Variants in RPS6KA2 observed in about 807,000 individuals in gnomAD.
RPS6KA2 encodes the protein ribosomal protein S6 kinase alpha-2.
In RPS6KA2, 42 loss-of-function variants were observed where a neutral mutation model predicts 91.8. The observed-to-expected ratio is 0.46, with a 90% CI of 0.36 to 0.59. The LOEUF is 0.59. RPS6KA2 is among the 20% of genes least tolerant of loss of function. The probability of loss-of-function intolerance (pLI) is 0.00; values close to 1 mark genes in which losing one functional copy is unlikely to be tolerated. For synonymous variants in RPS6KA2, 414 were observed against 393.6 expected (o/e 1.05, Z -0.61); for missense variants, 798 against 978.5 (o/e 0.82, Z 2.46).
intron 1 of RPS6KA2, among the ~76,000 whole-genome samples, chr6:166,598,809 C>T (rs896985759): frequency 6.6e-6 from 1 of 152,212 alleles, no homozygotes; most frequent in Non-Finnish European, 1.5e-5. Flanking sequence ...CACACAGCAC[C>T]GCTCTTTCCT....
intron 2 of RPS6KA2, among the ~76,000 whole-genome samples, chr6:166,745,654 C>G (rs1310815248): frequency 6.6e-6 from 1 of 152,186 alleles, no homozygotes; most frequent in Non-Finnish European, 1.5e-5. Context: ...TGGGTTTCCA[C>G]CCAATATTCA....
chr6:166,432,516 T>C (rs1471747963), intron 14 of RPS6KA2, 26 bp from the exon 15 acceptor site: 1 of 1,473,862 alleles, frequency 6.8e-7, no homozygotes, highest in South Asian at 1.1e-5. Flanking sequence ...CACATGGCAG[T>C]GAGGGGTCTA....
chr6:166,793,723 T>C (rs1779153853), intron 2 of RPS6KA2, among the ~76,000 whole-genome samples: 1 of 152,196 alleles, frequency 6.6e-6, no homozygotes, highest in Admixed American at 6.5e-5. Context: ...ATCTGATCTT[T>C]AACAAACCTG....
intron 2 of RPS6KA2, among the ~76,000 whole-genome samples, chr6:166,802,429 A>G (rs1034818057): frequency 2.6e-5 from 4 of 152,236 alleles, no homozygotes; most frequent in African/African-American, 9.6e-5. Flanking sequence ...ATTTAAAAAT[A>G]AGACCAGATC....
intron 2 of RPS6KA2, among the ~76,000 whole-genome samples, chr6:166,779,810 G>C (rs1375932186): frequency 6.6e-6 from 1 of 152,192 alleles, no homozygotes; most frequent in Non-Finnish European, 1.5e-5. Flanking sequence ...GCGGCCAAGA[G>C]AAATAACGGC....
rs117244446 is a variant in RPS6KA2, at chr6:166,489,430, C to T, written c.819-509G>A. 1.2e-3 allele frequency among the ~76,000 whole-genome samples: 181 copies of T among 152,308 alleles called. 1 individual carries two copies. Among genetic ancestry groups the T allele is most frequent in the Admixed American group, 1.9e-3 (29 of 15,304 alleles). On this transcript the variant is annotated intron_variant, in intron 9 of 20. Transcript: ENST00000265678. ...AGAAAACCTGCGAGAGGAGGACCTG[C>T]AAACCCCGGGAGGGTCTCAGGACCA...
intron 1 of RPS6KA2, among the ~76,000 whole-genome samples, chr6:166,609,498 A>G (rs1421398282): frequency 6.8e-6 from 1 of 146,934 alleles, no homozygotes; most frequent in African/African-American, 2.6e-5. Context: ...TGAATTATCA[A>G]AAGTTTAATT....
chr6:166,595,412 T>C (rs1445251165), intron 1 of RPS6KA2, among the ~76,000 whole-genome samples: 1 of 152,214 alleles, frequency 6.6e-6, no homozygotes, highest in South Asian at 2.1e-4. Flanking sequence ...TATTTCATAA[T>C]TCCCAAAAAG....
intron 1 of RPS6KA2, among the ~76,000 whole-genome samples, chr6:166,584,513 TACA>T (rs1785110830): frequency 6.6e-6 from 1 of 152,196 alleles, no homozygotes; most frequent in African/African-American, 2.4e-5. Context: ...ATTTACATCT[TACA>T]ACACTTTTTA....
intron 2 of RPS6KA2, among the ~76,000 whole-genome samples, chr6:166,712,696 C>T (rs1324453793): frequency 6.6e-6 from 1 of 152,160 alleles, no homozygotes; most frequent in Non-Finnish European, 1.5e-5. Flanking sequence ...TGTGTGATGT[C>T]CCACCGAGGC....
intron 2 of RPS6KA2, among the ~76,000 whole-genome samples, chr6:166,834,815 T>C (rs2128627676): frequency 9.1e-6 from 1 of 109,836 alleles, no homozygotes; most frequent in South Asian, 3.3e-4. Context: ...GAGTCTTTAG[T>C]TTGTATGGCG....
intron 2 of RPS6KA2, among the ~76,000 whole-genome samples, chr6:166,715,158 C>CCCT (rs1317012570): frequency 6.6e-6 from 1 of 152,230 alleles, no homozygotes. Context: ...TGCAGAGCAC[C>CCCT]CCTCCAGGCA....
At chr6:166,436,139 A>G (rs1021869085) in intron 14 of RPS6KA2, among the ~76,000 whole-genome samples, 3 of 152,180 alleles carry the variant, frequency 2.0e-5, no homozygotes, top group Admixed American at 6.5e-5. Context: ...CAGAGATAAA[A>G]TAGAATTACC....
At chr6:166,564,508 TTC>T (rs1278162264) in intron 1 of RPS6KA2, among the ~76,000 whole-genome samples, 4 of 152,254 alleles carry the variant, frequency 2.6e-5, no homozygotes, top group African/African-American at 9.6e-5. Flanking sequence ...CTCCCCTTTA[TTC>T]TCTTTCTCAT....
At chr6:166,590,658 A>C (rs960347225) in intron 1 of RPS6KA2, among the ~76,000 whole-genome samples, 1 of 152,204 alleles carries the variant, frequency 6.6e-6, no homozygotes, top group Non-Finnish European at 1.5e-5. Flanking sequence ...AAGCACGTCT[A>C]TGTTAATGGG....
In RPS6KA2 at chr6:166,693,489, G is replaced by T. The variant is rs80036861; in HGVS notation, c.124-154705C>A. 4.7e-3 allele frequency among the ~76,000 whole-genome samples: 723 copies of T among 152,254 alleles called. 5 individuals carry two copies. Among genetic ancestry groups the T allele is most frequent in the African/African-American group, 0.016 (677 of 41,536 alleles). ...GCACTCAGGGTCCTGCGCCTCCATC[G>T]CAAAGCCCCAGGAGGACTCCCTGTT... On this transcript the variant is annotated intron_variant, in intron 2 of 21. Transcript: ENST00000503859.
At chr6:166,857,496 A>T (rs1280758429) in intron 2 of RPS6KA2, among the ~76,000 whole-genome samples, 1 of 152,180 alleles carries the variant, frequency 6.6e-6, no homozygotes, top group Non-Finnish European at 1.5e-5. Flanking sequence ...ATCGTTACCA[A>T]AATCTCCCCT....
At chr6:166,458,903 T>C (rs1218713180) in intron 12 of RPS6KA2, among the ~76,000 whole-genome samples, 1 of 152,202 alleles carries the variant, frequency 6.6e-6, no homozygotes, top group Non-Finnish European at 1.5e-5. Context: ...AAGATAACTT[T>C]TAAAGGGAGC....
chr6:166,693,225 C>T (rs560264385), intron 2 of RPS6KA2, among the ~76,000 whole-genome samples: 55 of 152,296 alleles, frequency 3.6e-4, no homozygotes, highest in African/African-American at 1.3e-3. Context: ...GGTGCTGCAG[C>T]GATTGGATTT....
Sources: allele counts gnomAD v4.1 joint callset (sites outside exome capture counted in the v4.1 genomes callset), GRCh38; gene constraint gnomAD v4.1.1; transcripts MANE v1.5; gene names NCBI Gene and HGNC (gene_info 2026-07-23, HGNC 2026-07-21).